Variants in FAM222B observed in about 807,000 individuals in gnomAD.
The protein encoded by FAM222B is family with sequence similarity 222 member B.
Under a neutral mutation model 38.0 loss-of-function variants are expected in FAM222B, and 12 were observed. The observed-to-expected ratio is 0.32, with a 90% CI of 0.20 to 0.51. The LOEUF (loss-of-function observed/expected upper bound fraction) is 0.51. Among genes scored for constraint, FAM222B ranks in the 20% least tolerant of loss-of-function variants. FAM222B has a pLI of 0.97. For synonymous variants in FAM222B, 329 were observed against 317.2 expected (o/e 1.04, Z -0.40); for missense variants, 716 against 754.2 (o/e 0.95, Z 0.59).
chr17:28,811,671 G>A (rs2037773728), intron 1 of FAM222B, among the ~76,000 whole-genome samples: 2 of 152,194 alleles, frequency 1.3e-5, no homozygotes, highest in African/African-American at 2.4e-5. Flanking sequence ...ACTACACAAA[G>A]CCGGTGACAA....
At chr17:28,824,738 G>A (rs932072242) in intron 1 of FAM222B, among the ~76,000 whole-genome samples, 6 of 152,028 alleles carry the variant, frequency 3.9e-5, no homozygotes, top group Non-Finnish European at 7.4e-5. Flanking sequence ...TTTGATTCGT[G>A]CAAAGAGCCT....
At chr17:28,787,882 T>C (rs997548623) in intron 1 of FAM222B, among the ~76,000 whole-genome samples, 26 of 145,236 alleles carry the variant, frequency 1.8e-4, no homozygotes, top group Admixed American at 8.7e-4. Flanking sequence ...TGGAGTGCAA[T>C]GGCACGATCT....
chr17:28,814,264 G>C (rs1284360196), intron 1 of FAM222B, among the ~76,000 whole-genome samples: 1 of 151,846 alleles, frequency 6.6e-6, no homozygotes, highest in African/African-American at 2.4e-5. Context: ...CAGCGTTCTT[G>C]CAAGTGCATA....
In FAM222B at chr17:28,756,816, T is replaced by G. The variant is rs989241315; in HGVS notation, c.*1454A>C. On this transcript the variant is annotated 3_prime_UTR_variant, in exon 3 of 3. Coordinates refer to ENST00000581407, the MANE Select transcript of FAM222B (RefSeq NM_001077498.3). ...CTTCAGTCACATTGCTTCAGATCAC[T>G]AGAGAATTTCTGGCTAACGAACAGT... 1.3e-5 allele frequency: 2 copies of G among 152,358 alleles called. No homozygotes were observed. The highest frequency in any genetic ancestry group is 2.4e-5 in the African/African-American group (1 of 41,326). The allele number at this position is 152,358 out of a possible 1,614,324, so 9.4% of individuals were successfully genotyped here. A position where few individuals can be genotyped will look rare whatever the true frequency, so the allele number is the denominator to read the frequency against.
rs2034738073 is a variant in FAM222B, at chr17:28,757,131, T to C, written c.*1139A>G. The C allele has an allele frequency of 6.6e-6, 1 of 152,640 alleles. No homozygotes were observed. The highest frequency in any genetic ancestry group is 1.5e-5 in the Non-Finnish European group (1 of 68,048). 9.5% of individuals were successfully genotyped at this position (152,640 alleles called of 1,614,324 possible). ...GGGCAGGAGGGGCTTGTTTCCAATG[T>C]AGGCCCAGCTCCAGGTGTTAGAACC... On this transcript the variant is annotated 3_prime_UTR_variant, in exon 3 of 3. Coordinates refer to ENST00000581407, the MANE Select transcript of FAM222B (RefSeq NM_001077498.3).
rs1050234910 is a variant in FAM222B, at chr17:28,792,318, A to AG, written c.-40-25612_-40-25611insC. Among the ~76,000 whole-genome samples, 47 of 150,110 alleles carry AG rather than the reference A, an allele frequency of 3.1e-4. No individual in the cohort carries two copies. The East Asian group carries it at 5.0e-3, about 16-fold the overall frequency. On this transcript the variant is annotated intron_variant, in intron 1 of 2. Transcript: ENST00000581407. ...CCCAGCAAGACTCTGTCTCAAAAAAAAAAAAAAAAAAAATTAGCCAGTTGT... is the reference window on the plus strand; with the variant it reads ...CCCAGCAAGACTCTGTCTCAAAAAAAGAAAAAAAAAAAAATTAGCCAGTTGT...
At chr17:28,785,396 A>C (rs2036358688) in intron 1 of FAM222B, among the ~76,000 whole-genome samples, 2 of 152,250 alleles carry the variant, frequency 1.3e-5, no homozygotes, top group Admixed American at 1.3e-4. Context: ...AAAATGTCTG[A>C]AAAACATTGA....
At chr17:28,806,510 C>T (rs971090699) in intron 1 of FAM222B, among the ~76,000 whole-genome samples, 5 of 152,130 alleles carry the variant, frequency 3.3e-5, no homozygotes, top group Non-Finnish European at 5.9e-5. Context: ...ACCTGTAGTC[C>T]CTTCGGTGGC....
intron 1 of FAM222B, among the ~76,000 whole-genome samples, chr17:28,815,703 G>A (rs966583620): frequency 6.6e-6 from 1 of 152,020 alleles, no homozygotes; most frequent in Non-Finnish European, 1.5e-5. Context: ...GATGACTCAC[G>A]ACTGTAACTC....
chr17:28,784,968 C>G (rs915581149), intron 1 of FAM222B, among the ~76,000 whole-genome samples: 5 of 151,510 alleles, frequency 3.3e-5, no homozygotes, highest in African/African-American at 9.7e-5. Flanking sequence ...GTTTCCCAGG[C>G]TGGTCTTAAA....
intron 2 of FAM222B, among the ~76,000 whole-genome samples, chr17:28,765,771 G>C (rs1277799171): frequency 6.6e-6 from 1 of 152,188 alleles, no homozygotes; most frequent in South Asian, 2.1e-4. Flanking sequence ...AATCTTCTGG[G>C]AAGTGTATTA....
chr17:28,758,978 C>A lies in FAM222B; in HGVS notation c.981G>T (p.Met327Ile). 1.2e-6 allele frequency: 2 copies of A among 1,611,968 alleles called. No individual in the cohort carries two copies. Among genetic ancestry groups the A allele is most frequent in the Non-Finnish European group, 8.5e-7 (1 of 1,179,154 alleles). The stretch of plus-strand genomic sequence containing the variant: ...CGGCGGTGGCCGCGTGGGTGTGCTC[C>A]ATGGGATTGACCACACATGAAGGCA... ...TPMPSCVVNP[M>I]EHTHAATAAL... The change falls in exon 3 of 3, where the codon ATG (methionine) becomes ATT (isoleucine). Residue 327 changes from methionine (M) to isoleucine (I), a missense_variant. Physicochemically the swap from Met to Ile is conservative, Grantham distance 10 (BLOSUM62 1). Coordinates refer to ENST00000581407, the MANE Select transcript of FAM222B (RefSeq NM_001077498.3).
chr17:28,765,359 G>A (rs1451844770), intron 2 of FAM222B, among the ~76,000 whole-genome samples: 3 of 152,214 alleles, frequency 2.0e-5, no homozygotes, highest in South Asian at 2.1e-4. Flanking sequence ...TTTGTTTATT[G>A]TCTGTGGCTG....
intron 1 of FAM222B, among the ~76,000 whole-genome samples, chr17:28,831,347 T>G (rs181609867): frequency 6.6e-6 from 1 of 151,926 alleles, no homozygotes; most frequent in Admixed American, 6.6e-5. Flanking sequence ...TCTATCCTTC[T>G]GCCAATACCA....
At chr17:28,778,679 T>TTTGTGTGTG (rs1263328936) in intron 1 of FAM222B, among the ~76,000 whole-genome samples, 1 of 110,202 alleles carries the variant, frequency 9.1e-6, no homozygotes, top group Non-Finnish European at 1.7e-5. Context: ...AATTTTTTTT[T>TTTGTGTGTG]TGTGTGTGTG....
At chr17:28,854,801 G>T (rs2039214943) in intron 1 of FAM222B, 2 of 410,716 alleles carry the variant, frequency 4.9e-6, no homozygotes, top group Non-Finnish European at 4.3e-6. Context: ...AAAAAAATAC[G>T]TTGTGTATGG....
intron 1 of FAM222B, among the ~76,000 whole-genome samples, chr17:28,832,181 C>G (rs1457282631): frequency 6.6e-6 from 1 of 151,654 alleles, no homozygotes; most frequent in African/African-American, 2.4e-5. Context: ...CACAGCAAGA[C>G]TCCATCTCAA....
chr17:28,760,215 A>G (rs960238712), intron 2 of FAM222B, among the ~76,000 whole-genome samples: 1 of 152,188 alleles, frequency 6.6e-6, no homozygotes, highest in African/African-American at 2.4e-5. Context: ...TCAAAGTCTC[A>G]TATCTTGCAG....
rs979952637 is a variant in FAM222B at position 28,759,975 on chromosome 17, TG to T, written c.83-100del. ...AGATTCCCCTTTTGAGGGCCTGGGG[TG>T]GGGTGGGGAAATGACTAGATTGTCA... On this transcript the variant is annotated intron_variant, in intron 2 of 2. Coordinates refer to ENST00000581407, the MANE Select transcript of FAM222B (RefSeq NM_001077498.3). This position sits in a 1 kb window ranked among gnomAD's most constrained non-coding sequence, Gnocchi z 4.8. 1.6e-6 allele frequency: 2 copies of T among 1,219,666 alleles called. No individual in the cohort carries two copies. 75.6% of individuals were successfully genotyped at this position (1,219,666 alleles called of 1,614,324 possible).
Sources: allele counts gnomAD v4.1 joint callset (sites outside exome capture counted in the v4.1 genomes callset), GRCh38; gene constraint gnomAD v4.1.1; non-coding constraint Gnocchi (gnomAD v3.1); transcripts MANE v1.5; gene names NCBI Gene and HGNC (gene_info 2026-07-23, HGNC 2026-07-21).